Variants in GALNT13 observed in about 807,000 individuals in gnomAD.
GALNT13 encodes polypeptide N-acetylgalactosaminyltransferase 13.
In GALNT13, 28 loss-of-function variants were observed where a neutral mutation model predicts 64.2. That is an observed-to-expected ratio of 0.44 (90% CI 0.32 to 0.60). The LOEUF (loss-of-function observed/expected upper bound fraction) is 0.60, where lower values mean the gene tolerates loss of function less well. Ranked by LOEUF, GALNT13 falls within the 20% of genes least tolerant of loss-of-function variation. The probability of loss-of-function intolerance (pLI) is 0.05; values close to 1 mark genes in which losing one functional copy is unlikely to be tolerated. For synonymous variants in GALNT13, 214 were observed against 224.6 expected (o/e 0.95, Z 0.42); for missense variants, 577 against 669.8 (o/e 0.86, Z 1.53).
At chr2:154,431,033 C>A (rs746095379) in intron 11 of GALNT13, among the ~76,000 whole-genome samples, 51 of 152,252 alleles carry the variant, frequency 3.3e-4, no homozygotes, top group Non-Finnish European at 5.1e-4. Context: ...ATGTGCCTTG[C>A]TTTAAATGCG....
intron 4 of GALNT13, chr2:154,235,945 T>C (rs2105856923): frequency 2.4e-6 from 1 of 421,728 alleles, no homozygotes; most frequent in East Asian, 8.0e-5. Flanking sequence ...ACTATTTCAC[T>C]GTATTGCTAT....
chr2:153,596,880 A>G, the GALNT13 span, among the ~76,000 whole-genome samples: 1 of 152,124 alleles, frequency 6.6e-6, no homozygotes, highest in Non-Finnish European at 1.5e-5. Context: ...ATTTCAAAGC[A>G]GTAATTAAAA....
chr2:153,100,807 T>A, the GALNT13 span, among the ~76,000 whole-genome samples: 2 of 152,064 alleles, frequency 1.3e-5, no homozygotes, highest in African/African-American at 4.8e-5. Flanking sequence ...GGCAGGGAGA[T>A]CTCTTGAGGC....
chr2:153,787,533 G>C, the GALNT13 span, among the ~76,000 whole-genome samples: 1 of 152,196 alleles, frequency 6.6e-6, no homozygotes, highest in Non-Finnish European at 1.5e-5. Flanking sequence ...TAATCGGCCA[G>C]AGTGTCTTAT....
chr2:153,627,656 C>T, the GALNT13 span, among the ~76,000 whole-genome samples: 1 of 151,946 alleles, frequency 6.6e-6, no homozygotes, highest in Admixed American at 6.6e-5. Context: ...ACTTTTGCAC[C>T]CACCTAATAA....
At chr2:153,304,159 C>T in the GALNT13 span, among the ~76,000 whole-genome samples, 3 of 150,614 alleles carry the variant, frequency 2.0e-5, no homozygotes, top group Non-Finnish European at 4.4e-5. Flanking sequence ...CAAGAGAACA[C>T]TGTTCTGTTT....
chr2:153,643,980 T>C, the GALNT13 span, among the ~76,000 whole-genome samples: 12 of 151,950 alleles, frequency 7.9e-5, no homozygotes, highest in Admixed American at 7.2e-4. Context: ...TCTTTAACAT[T>C]CTCTTTAATA....
chr2:153,973,129 G>A (rs986597078), intron 3 of GALNT13, among the ~76,000 whole-genome samples: 19 of 151,674 alleles, frequency 1.3e-4, no homozygotes, highest in African/African-American at 4.4e-4. Flanking sequence ...TTCCTAACAA[G>A]GAAATAGAGA....
the GALNT13 span, among the ~76,000 whole-genome samples, chr2:153,277,927 C>CTTTTTTTTTTTTTTCTTTTTTTTTTT: frequency 1.2e-5 from 1 of 80,112 alleles, no homozygotes; most frequent in Non-Finnish European, 2.3e-5. Context: ...TCTTTTCTTT[C>CTTTTTTTTTTTTTTCTTTTTTTTTTT]TTTTTTTTTT....
At chr2:154,384,865 T>G (rs1698433247) in intron 9 of GALNT13, among the ~76,000 whole-genome samples, 1 of 151,926 alleles carries the variant, frequency 6.6e-6, no homozygotes, top group Non-Finnish European at 1.5e-5. Flanking sequence ...ACTTTTTTAT[T>G]TTACCAGAAG....
the GALNT13 span, among the ~76,000 whole-genome samples, chr2:153,347,486 T>A: frequency 0.28 from 42,780 of 152,008 alleles, 7,063 homozygotes; most frequent in Non-Finnish European, 0.38. Flanking sequence ...AAACACAGGA[T>A]CCTCTTCTGA....
chr2:154,128,209 A>C lies in GALNT13; in HGVS notation c.143-12128A>C, dbSNP rs116712523. 7.9e-3 allele frequency among the ~76,000 whole-genome samples: 1,195 copies of C among 152,200 alleles called. 15 individuals carry two copies. The highest frequency in any genetic ancestry group is 0.027 in the African/African-American group (1,116 of 41,568). Reference sequence around the variant, plus strand: ...GTGTTGATGTTTATAACAGCAATTAAGTTTTGGAACTAGCATATTTCTTTG... The same window carrying C: ...GTGTTGATGTTTATAACAGCAATTACGTTTTGGAACTAGCATATTTCTTTG... On this transcript the variant is annotated intron_variant, in intron 3 of 12. Transcript: ENST00000392825.
chr2:153,625,258 A>G, the GALNT13 span, among the ~76,000 whole-genome samples: 2 of 152,058 alleles, frequency 1.3e-5, no homozygotes, highest in East Asian at 3.9e-4. Flanking sequence ...GGACAATTCC[A>G]CAAAACCTGA....
the GALNT13 span, among the ~76,000 whole-genome samples, chr2:153,274,686 C>T: frequency 6.6e-6 from 1 of 152,194 alleles, no homozygotes; most frequent in Non-Finnish European, 1.5e-5. Context: ...GTCAAAAGCT[C>T]CTGGTCTTCT....
the GALNT13 span, among the ~76,000 whole-genome samples, chr2:153,453,317 A>G: frequency 6.6e-6 from 1 of 152,220 alleles, no homozygotes; most frequent in African/African-American, 2.4e-5. Flanking sequence ...GAAACTATCA[A>G]CAGACTAAAC....
At chr2:154,164,907 GT>G (rs1684941574) in intron 4 of GALNT13, among the ~76,000 whole-genome samples, 1 of 152,030 alleles carries the variant, frequency 6.6e-6, no homozygotes, top group African/African-American at 2.4e-5. Flanking sequence ...GTTGGGTCTT[GT>G]TTTTCTTTCC....
chr2:154,385,621 T>C (rs530178478), intron 9 of GALNT13, among the ~76,000 whole-genome samples: 1 of 152,112 alleles, frequency 6.6e-6, no homozygotes, highest in South Asian at 2.1e-4. Context: ...AAAAATGCTA[T>C]ATAGACTTAA....
chr2:153,094,442 T>G, the GALNT13 span, among the ~76,000 whole-genome samples: 1 of 152,148 alleles, frequency 6.6e-6, no homozygotes, highest in Non-Finnish European at 1.5e-5. Context: ...GAATCAATAT[T>G]GTGAAAATGG....
chr2:153,934,832 T>C (rs1454542463), intron 2 of GALNT13, among the ~76,000 whole-genome samples: 1 of 152,154 alleles, frequency 6.6e-6, no homozygotes, highest in Non-Finnish European at 1.5e-5. Context: ...TTATGAAAAG[T>C]GGCCTGGCTG....
Sources: gnomAD v4.1 joint callset for allele counts (sites outside exome capture counted in the v4.1 genomes callset) on GRCh38, gnomAD v4.1.1 for gene constraint, MANE v1.5 for transcripts, NCBI Gene and HGNC (gene_info 2026-07-23, HGNC 2026-07-21) for gene names.